Variants in MAX observed in about 807,000 individuals in gnomAD.
The protein encoded by MAX is protein max.
A neutral mutation model predicts 22.3 loss-of-function variants in MAX; 3 were observed. The ratio of observed to expected loss-of-function variants is 0.13; its 90% CI spans 0.06 to 0.35. The LOEUF (loss-of-function observed/expected upper bound fraction) is 0.35, where lower values mean the gene tolerates loss of function less well. Among genes scored for constraint, MAX ranks in the 10% least tolerant of loss-of-function variants. MAX has a pLI of 1.00. For missense variants in MAX, 119 were observed against 209.4 expected (o/e 0.57, Z 2.66); for synonymous variants, 72 against 77.7 (o/e 0.93, Z 0.39).
chr14:65,054,719 T>A lies in MAX; in HGVS notation c.171+38989A>T, dbSNP rs1001824104. 6.3e-7 allele frequency: 1 copy of A among 1,580,226 alleles called. No individual in the cohort carries two copies. The highest frequency in any genetic ancestry group is 1.1e-5 in the South Asian group (1 of 86,974). ...GACGGGTGCAGGGCTTCACACCCCT[T>A]CTCCACAGGGACCTCGCGGACAGAA... On this transcript the variant is annotated intron_variant, in intron 3 of 3. Transcript: ENST00000341653. The surrounding 1 kb of genome is among the most constrained non-coding windows in gnomAD (Gnocchi z 4.4).
chr14:65,099,233 TC>T (rs1287225028), intron 2 of MAX, among the ~76,000 whole-genome samples: 2 of 152,150 alleles, frequency 1.3e-5, no homozygotes, highest in Non-Finnish European at 2.9e-5. Context: ...ATCTGCTTTT[TC>T]TCTCCATGCT....
intron 3 of MAX, chr14:65,015,551 C>T (rs761335695): frequency 1.3e-6 from 2 of 1,523,926 alleles, no homozygotes; most frequent in Non-Finnish European, 1.8e-6. Flanking sequence ...GGGAGTGAGA[C>T]AGATACAGCC....
intron 3 of MAX, chr14:65,022,049 C>T: frequency 2.2e-6 from 1 of 456,070 alleles, no homozygotes. Flanking sequence ...ACTCTGTGAG[C>T]AGCAGAGGCC....
Position 65,044,563 on chromosome 14 carries a change from G to T in MAX, c.172-38279C>A. ...ATGAGCTCTGTCTATCCTGGATTTTGAGTGCCCAGTGTGGAACCTCATGCC... is the reference window on the plus strand; with the variant it reads ...ATGAGCTCTGTCTATCCTGGATTTTTAGTGCCCAGTGTGGAACCTCATGCC... On this transcript the variant is annotated intron_variant, in intron 3 of 3. Transcript: ENST00000341653. This position sits in a 1 kb window ranked among gnomAD's most constrained non-coding sequence, Gnocchi z 5.5. 6.9e-7 allele frequency: 1 copy of T among 1,439,718 alleles called. No homozygotes were observed. 89.2% of individuals were successfully genotyped at this position (1,439,718 alleles called of 1,614,324 possible).
rs775808138 is a variant in MAX, at chr14:65,076,630, T to G, written c.329A>C (p.Gln110Pro). 6.0e-5 allele frequency: 97 copies of G among 1,614,028 alleles called. No individual in the cohort carries two copies. The highest frequency in any genetic ancestry group is 8.1e-5 in the Non-Finnish European group (96 of 1,180,030). ...TGAGGAGGGGTAGTTGGTCTGCAGT[T>G]GGGCACTTGACCTCGCCTTCTCCAG... The part of the protein sequence containing the change: ...RALEKARSSA[Q>P]LQTNYPSSDN... Residue 110 changes from glutamine to proline, a missense_variant, in exon 5 of 5, where the codon CAA (glutamine) becomes CCA (proline). Gln to Pro is a moderately conservative substitution (Grantham distance 76, BLOSUM62 -1). Transcript: ENST00000358664. The surrounding 1 kb of genome is among the most constrained non-coding windows in gnomAD (Gnocchi z 6.6).
At position 65,032,319 on chromosome 14, in the gene MAX, T is replaced by G. The variant is rs1595060860; in HGVS notation, c.172-26035A>C. The G allele has an allele frequency of 3.7e-6, 1 of 270,704 alleles. No homozygotes were observed. Among genetic ancestry groups the G allele is most frequent in the Non-Finnish European group, 6.9e-6 (1 of 144,240 alleles). 16.8% of individuals were successfully genotyped at this position (270,704 alleles called of 1,614,324 possible). A position where few individuals can be genotyped will look rare whatever the true frequency, so the allele number is the denominator to read the frequency against. On this transcript the variant is annotated intron_variant, in intron 3 of 3. Transcript: ENST00000341653. This position sits in a 1 kb window ranked among gnomAD's most constrained non-coding sequence, Gnocchi z 5.0. ...TTTGAAAGAAGAGCTGAATCCACTT[T>G]TGACATGAATTGATATGGCTGTTAT...
At chr14:65,053,853 T>C (rs1018609151) in intron 3 of MAX, among the ~76,000 whole-genome samples, 4 of 152,256 alleles carry the variant, frequency 2.6e-5, no homozygotes, top group Admixed American at 2.6e-4. Context: ...GTCCTGCTGC[T>C]CTTGGCATCC....
intron 3 of MAX, among the ~76,000 whole-genome samples, chr14:65,039,146 AGT>A (rs2062285746): frequency 6.6e-6 from 1 of 152,158 alleles, no homozygotes; most frequent in Non-Finnish European, 1.5e-5. Flanking sequence ...GCTCTGCGAG[AGT>A]GGGCAGGATC....
At chr14:65,101,833 C>G in intron 1 of MAX, 2 of 574,866 alleles carry the variant, frequency 3.5e-6, no homozygotes, top group Non-Finnish European at 3.1e-6. Flanking sequence ...TGTCTCCTCC[C>G]TGCAGACCCA....
chr14:65,086,013 A>G (rs1451566452), intron 3 of MAX, among the ~76,000 whole-genome samples: 2 of 152,232 alleles, frequency 1.3e-5, no homozygotes, highest in East Asian at 1.9e-4. Context: ...GGTCTTTCCC[A>G]TGTTGTTCTT....
At chr14:65,100,592 C>T (rs188043137) in intron 2 of MAX, among the ~76,000 whole-genome samples, 235 of 152,328 alleles carry the variant, frequency 1.5e-3, no homozygotes, top group Admixed American at 4.2e-3. Flanking sequence ...CTCACCTCTT[C>T]CTTCTTTATT....
At chr14:65,067,658 GCT>G (rs1179887706) in intron 3 of MAX, among the ~76,000 whole-genome samples, 1 of 147,224 alleles carries the variant, frequency 6.8e-6, no homozygotes, top group African/African-American at 2.5e-5. Context: ...ACAGTGTCTT[GCT>G]CTGTCGCCCA....
In MAX at chr14:65,052,722, A is replaced by G. The variant is rs572139057; in HGVS notation, c.171+40986T>C. On this transcript the variant is annotated intron_variant, in intron 3 of 3. Transcript: ENST00000341653. ...TTAGGTAAATTCTTTGAGCTGAGAG[A>G]CAAGTTAGAGAATTCCCTTTGGAGA... Among the ~76,000 whole-genome samples, 143 of 152,360 alleles carry G rather than the reference A, an allele frequency of 9.4e-4. 1 individual carries two copies. The highest frequency in any genetic ancestry group is 3.3e-3 in the African/African-American group (137 of 41,590).
intron 3 of MAX, among the ~76,000 whole-genome samples, chr14:65,010,111 C>T (rs937789596): frequency 1.3e-5 from 2 of 152,316 alleles, no homozygotes; most frequent in South Asian, 2.1e-4. Context: ...TGTCTTTTCC[C>T]CTCAGTCTTG....
intron 3 of MAX, among the ~76,000 whole-genome samples, chr14:65,035,203 C>G (rs1472023321): frequency 6.6e-6 from 1 of 152,192 alleles, no homozygotes; most frequent in African/African-American, 2.4e-5. Flanking sequence ...TGACCCCTGA[C>G]CCCTGGCCTG....
chr14:65,075,247 G>A lies in MAX; in HGVS notation c.*1229C>T, dbSNP rs562514408. The A allele has an allele frequency of 2.1e-4, 225 of 1,058,044 alleles. No homozygotes were observed. The Middle Eastern group carries it at 3.4e-3, about 16-fold the overall frequency. 65.5% of individuals were successfully genotyped at this position (1,058,044 alleles called of 1,614,324 possible). ...ATTTCCATGGAATGGAATCAAACAC[G>A]AACTGAGACTACAGAGTATACACTA... is the stretch of plus-strand genomic sequence containing the variant. On this transcript the variant is annotated 3_prime_UTR_variant, in exon 5 of 5. Coordinates refer to ENST00000358664, the MANE Select transcript of MAX (RefSeq NM_002382.5). This position sits in a 1 kb window ranked among gnomAD's most constrained non-coding sequence, Gnocchi z 4.1.
chr14:65,061,634 TCTGAGTATTACGGCATCCAGAGCCACTG>T (rs2139703308), intron 3 of MAX: 1 of 262,112 alleles, frequency 3.8e-6, no homozygotes, highest in South Asian at 5.5e-5. Context: ...ATGAATGGCA[TCTGAGTATTACGGCATCCAGAGCCACTG>T]CTGACTCCCA....
intron 2 of MAX, among the ~76,000 whole-genome samples, chr14:65,098,344 T>C (rs553223017): frequency 5.6e-4 from 85 of 152,334 alleles, no homozygotes; most frequent in African/African-American, 1.9e-3. Flanking sequence ...CGTTCTCTTC[T>C]GAATATTCCT....
intron 3 of MAX, chr14:65,061,171 C>T (rs751959556): frequency 6.2e-7 from 1 of 1,613,738 alleles, no homozygotes; most frequent in Non-Finnish European, 8.5e-7. Flanking sequence ...ACCTTTTCTT[C>T]TCTTTGCAGC....
Sources: gnomAD v4.1 joint callset for allele counts (sites outside exome capture counted in the v4.1 genomes callset) on GRCh38, gnomAD v4.1.1 for gene constraint, Gnocchi (gnomAD v3.1) non-coding constraint, MANE v1.5 for transcripts, NCBI Gene and HGNC (gene_info 2026-07-23, HGNC 2026-07-21) for gene names.